GRID2: variants seen among roughly 807,000 people sequenced by gnomAD.
GRID2 encodes glutamate receptor ionotropic, delta-2.
A neutral mutation model predicts 114.8 loss-of-function variants in GRID2; 33 were observed. The ratio of observed to expected loss-of-function variants is 0.29; its 90% CI spans 0.22 to 0.38. The LOEUF is 0.38. Among genes scored for constraint, GRID2 ranks in the 10% least tolerant of loss-of-function variants. GRID2 has a pLI of 1.00. For missense variants in GRID2, 1,184 were observed against 1,257.7 expected, an observed-to-expected ratio of 0.94 and a Z score of 0.89; for synonymous variants, 505 against 449.9, an observed-to-expected ratio of 1.12 and a Z score of -1.55.
At chr4:93,162,871 T>A (rs1737812741) in intron 4 of GRID2, among the ~76,000 whole-genome samples, 1 of 151,862 alleles carries the variant, frequency 6.6e-6, no homozygotes, top group Non-Finnish European at 1.5e-5. Flanking sequence ...AAACACAATA[T>A]TGAATGCTGT....
At chr4:93,374,132 G>T (rs1244440662) in intron 8 of GRID2, among the ~76,000 whole-genome samples, 1 of 152,148 alleles carries the variant, frequency 6.6e-6, no homozygotes, top group Admixed American at 6.6e-5. Context: ...AACAGATGTT[G>T]TCATGTAGAT....
intron 1 of GRID2, among the ~76,000 whole-genome samples, chr4:92,442,419 A>T (rs544500507): frequency 6.6e-6 from 1 of 151,910 alleles, no homozygotes; most frequent in Non-Finnish European, 1.5e-5. Flanking sequence ...ATTTCCGGCA[A>T]GTGTAGCAAG....
chr4:93,607,825 T>C (rs1478626742), intron 13 of GRID2, among the ~76,000 whole-genome samples: 1 of 152,148 alleles, frequency 6.6e-6, no homozygotes, highest in East Asian at 1.9e-4. Context: ...CTATTTTGCA[T>C]TGCCTCTTCA....
At chr4:93,376,522 G>C (rs1404362099) in intron 8 of GRID2, among the ~76,000 whole-genome samples, 2 of 152,014 alleles carry the variant, frequency 1.3e-5, no homozygotes, top group African/African-American at 4.8e-5. Flanking sequence ...CATAAATAAA[G>C]CAATTCAAGA....
At chr4:93,507,761 A>G (rs1416140207) in intron 12 of GRID2, among the ~76,000 whole-genome samples, 2 of 152,202 alleles carry the variant, frequency 1.3e-5, no homozygotes, top group African/African-American at 4.8e-5. Flanking sequence ...ATCACAGACT[A>G]TACCCTCAGC....
chr4:92,822,432 G>A, intron 2 of GRID2: 1 of 528,522 alleles, frequency 1.9e-6, no homozygotes, highest in South Asian at 1.6e-5. Flanking sequence ...CAGCTACAGA[G>A]GTGATAGTGT....
chr4:92,334,240 T>G (rs1727049446), intron 1 of GRID2, among the ~76,000 whole-genome samples: 2 of 152,176 alleles, frequency 1.3e-5, no homozygotes, highest in Non-Finnish European at 2.9e-5. Flanking sequence ...TATGACCACT[T>G]AAGTAATCCC....
chr4:93,432,224 A>G (rs1226551441), intron 10 of GRID2, among the ~76,000 whole-genome samples: 1 of 152,220 alleles, frequency 6.6e-6, no homozygotes, highest in Admixed American at 6.5e-5. Flanking sequence ...GCTAGTTTAC[A>G]CAACAGTGTG....
At chr4:92,841,539 A>G (rs1243978347) in intron 2 of GRID2, among the ~76,000 whole-genome samples, 1 of 151,990 alleles carries the variant, frequency 6.6e-6, no homozygotes, top group Non-Finnish European at 1.5e-5. Context: ...AAGAATCTAA[A>G]TATCAGTTAA....
intron 2 of GRID2, among the ~76,000 whole-genome samples, chr4:92,995,035 G>C (rs1003147397): frequency 1.3e-5 from 2 of 151,980 alleles, no homozygotes; most frequent in East Asian, 1.9e-4. Flanking sequence ...ACACACAACT[G>C]TCCTTGGAGG....
At chr4:92,541,233 T>C (rs1248497351) in intron 1 of GRID2, among the ~76,000 whole-genome samples, 2 of 151,924 alleles carry the variant, frequency 1.3e-5, no homozygotes, top group Non-Finnish European at 1.5e-5. Flanking sequence ...ACATGGCACA[T>C]GTATACAATG....
rs1280015441 is a variant in GRID2 at position 92,384,624 on chromosome 4, TATATATAATATATATTATATATA to T, written c.88+79888_88+79910del. Among the ~76,000 whole-genome samples, 51 of 63,612 alleles carry T rather than the reference TATATATAATATATATTATATATA, an allele frequency of 8.0e-4. 1 individual carries two copies. The highest frequency in any genetic ancestry group is 1.8e-3 in the Admixed American group (6 of 3,324). 41.7% of individuals were successfully genotyped at this position (63,612 alleles called of 152,430 possible). A position where few individuals can be genotyped will look rare whatever the true frequency, so the allele number is the denominator to read the frequency against. ...ATAATATATAATATATGTTATATAT[TATATATAATATATATTATATATA>T]ATATATAGACATATTATATACATAT... On this transcript the variant is annotated intron_variant, in intron 1 of 15. Transcript: ENST00000282020.
chr4:93,715,952 C>T (rs1332758603), intron 14 of GRID2, among the ~76,000 whole-genome samples: 1 of 152,140 alleles, frequency 6.6e-6, no homozygotes, highest in African/African-American at 2.4e-5. Flanking sequence ...CTGGCCAGAA[C>T]TTCCAATACC....
At chr4:93,579,056 T>A (rs1736718554) in intron 13 of GRID2, among the ~76,000 whole-genome samples, 1 of 152,244 alleles carries the variant, frequency 6.6e-6, no homozygotes, top group Non-Finnish European at 1.5e-5. Flanking sequence ...AAATCAATTT[T>A]TTTTTTATTC....
At chr4:92,956,415 G>T (rs762616593) in intron 2 of GRID2, among the ~76,000 whole-genome samples, 3 of 152,064 alleles carry the variant, frequency 2.0e-5, no homozygotes, top group Non-Finnish European at 2.9e-5. Context: ...CCCTTGAAAC[G>T]ACTAGCCTTA....
intron 14 of GRID2, among the ~76,000 whole-genome samples, chr4:93,751,369 A>T (rs1732302823): frequency 6.6e-6 from 1 of 152,144 alleles, no homozygotes; most frequent in Non-Finnish European, 1.5e-5. Context: ...TCTATAATTA[A>T]AGTTAATTGG....
chr4:93,384,096 G>A (rs1264247650), intron 8 of GRID2, among the ~76,000 whole-genome samples: 1 of 152,056 alleles, frequency 6.6e-6, no homozygotes. Context: ...CTTCGTAGAC[G>A]GCACATCTTG....
chr4:93,287,386 T>C (rs138490300), intron 8 of GRID2, among the ~76,000 whole-genome samples: 1 of 152,260 alleles, frequency 6.6e-6, no homozygotes, highest in East Asian at 1.9e-4. Context: ...TTTAGGCAGG[T>C]AGAAAGTTGC....
chr4:93,529,084 A>C (rs1731204254), intron 13 of GRID2, among the ~76,000 whole-genome samples: 1 of 152,154 alleles, frequency 6.6e-6, no homozygotes, highest in Non-Finnish European at 1.5e-5. Flanking sequence ...TTAAGTCTGT[A>C]ATGTCCTCTC....
Sources: allele counts gnomAD v4.1 joint callset (sites outside exome capture counted in the v4.1 genomes callset), GRCh38; gene constraint gnomAD v4.1.1; transcripts MANE v1.5; gene names NCBI Gene and HGNC (gene_info 2026-07-23, HGNC 2026-07-21).